The following CLK3 variants were observed in gnomAD, a reference collection of about 807,000 sequenced individuals.
CLK3 encodes the protein dual specificity protein kinase CLK3.
In CLK3, 24 loss-of-function variants were observed where a neutral mutation model predicts 65.2. The ratio of observed to expected loss-of-function variants is 0.37; its 90% confidence interval spans 0.27 to 0.52. The LOEUF (loss-of-function observed/expected upper bound fraction) is 0.52. CLK3 is among the 20% of genes least tolerant of loss of function. CLK3 has a pLI of 0.92. For missense variants in CLK3, 506 were observed against 660.0 expected (o/e 0.77, Z 2.56); for synonymous variants, 252 against 240.8 (o/e 1.05, Z -0.43).
intron 3 of CLK3, 149 bp downstream of exon 3, chr15:74,620,374 C>G (rs1013633913): frequency 9.0e-7 from 1 of 1,114,666 alleles, no homozygotes; most frequent in Non-Finnish European, 1.3e-6. Flanking sequence ...GTTGTCTGGT[C>G]CAGGTGTAGG....
At chr15:74,614,607 AC>A (rs1438821773), upstream of CLK3, among the ~76,000 whole-genome samples, 1 of 151,162 alleles carries the variant, frequency 6.6e-6, no homozygotes, top group East Asian at 1.9e-4. Flanking sequence ...ACGCCTTGAA[AC>A]CCCCCGTTTC....
At chr15:74,610,628 T>C (rs902447121) in intron 1 of CLK3, among the ~76,000 whole-genome samples, 2 of 152,236 alleles carry the variant, frequency 1.3e-5, no homozygotes, top group African/African-American at 2.4e-5. Context: ...TTGGCTGTTA[T>C]CTATCACGAC....
chr15:74,628,104 G>T, intron 10 of CLK3, 52 bp downstream of exon 10: 2 of 1,285,556 alleles, frequency 1.6e-6, no homozygotes, highest in Non-Finnish European at 2.3e-6. Context: ...ACTGTGATAG[G>T]CTGCAGGCCA....
At position 74,627,198 on chromosome 15, in the gene CLK3, C is replaced by A; in HGVS notation, c.818-154C>A. 1.4e-6 allele frequency: 1 copy of A among 736,434 alleles called. No individual in the cohort carries two copies. Among genetic ancestry groups the A allele is most frequent in the South Asian group, 1.5e-5 (1 of 68,308 alleles). The allele number at this position is 736,434 out of a possible 1,614,324, so 45.6% of individuals were successfully genotyped here. On this transcript the variant is annotated intron_variant, in intron 7 of 12. Transcript: ENST00000395066. The surrounding 1 kb of genome is among the most constrained non-coding windows in gnomAD (Gnocchi z 4.3). ...GTACAGAGAACCCTTGAGAGGGAGG[C>A]CAGCACAGAGGCAGGCTGTAGTCCA...
At chr15:74,626,347 A>G (rs779394385) in intron 7 of CLK3, among the ~76,000 whole-genome samples, 6 of 152,264 alleles carry the variant, frequency 3.9e-5, no homozygotes, top group Non-Finnish European at 8.8e-5. Context: ...CCCTCGGTCT[A>G]ACCCTGACTT....
upstream of CLK3, among the ~76,000 whole-genome samples, chr15:74,612,661 C>T (rs911079973): frequency 1.4e-4 from 22 of 152,328 alleles, no homozygotes; most frequent in African/African-American, 5.3e-4. Context: ...CAGGCCTTCT[C>T]CCCACTGGAC....
rs1235376612 is a variant in CLK3, at chr15:74,630,053, C to G, written c.*170C>G. On this transcript the variant is annotated 3_prime_UTR_variant, in exon 13 of 13. Transcript: ENST00000395066. ...GACTTGGTGCCCAGCTGCCAGAAAG[C>G]ACAGATTTGACCCAAGCTATTTATA... is the stretch of plus-strand genomic sequence containing the variant. 1.6e-6 allele frequency: 1 copy of G among 629,060 alleles called. No individual in the cohort carries two copies. Among genetic ancestry groups the G allele is most frequent in the Non-Finnish European group, 2.8e-6 (1 of 361,396 alleles). 39.0% of individuals were successfully genotyped at this position (629,060 alleles called of 1,614,324 possible).
At chr15:74,623,766 T>A (rs1050296047) in intron 5 of CLK3, 3 of 152,306 alleles carry the variant, frequency 2.0e-5, no homozygotes, top group Non-Finnish European at 4.4e-5. Context: ...AGGGAAACTT[T>A]ACGGGACTCA....
In CLK3 at chr15:74,615,850, C is replaced by T. The variant is rs768656181; in HGVS notation, c.-49C>T. 4 of 1,253,878 alleles carry T rather than the reference C, an allele frequency of 3.2e-6. No individual in the cohort carries two copies. Among genetic ancestry groups the T allele is most frequent in the African/African-American group, 1.5e-5 (1 of 65,030 alleles). 77.7% of individuals were successfully genotyped at this position (1,253,878 alleles called of 1,614,324 possible). A position where few individuals can be genotyped will look rare whatever the true frequency, so the allele number is the denominator to read the frequency against. On this transcript the variant is annotated 5_prime_UTR_variant, in exon 1 of 13. Coordinates refer to ENST00000395066, the MANE Select transcript of CLK3 (RefSeq NM_001130028.2). ...AGGTCGCAGCCGGAAGCGGAAGAGG[C>T]GCTCGGAGCGGGGAGTGGGGCCTAG... is the stretch of plus-strand genomic sequence containing the variant.
chr15:74,622,604 C>T lies in CLK3; in HGVS notation c.533+44C>T. 2 of 1,510,004 alleles carry T rather than the reference C, an allele frequency of 1.3e-6. No homozygotes were observed. The highest frequency in any genetic ancestry group is 1.8e-6 in the Non-Finnish European group (2 of 1,106,646). The allele number at this position is 1,510,004 out of a possible 1,614,324, so 93.5% of individuals were successfully genotyped here. A position where few individuals can be genotyped will look rare whatever the true frequency, so the allele number is the denominator to read the frequency against. On this transcript the variant is annotated intron_variant, in intron 5 of 12. Transcript: ENST00000395066. The surrounding 1 kb of genome is among the most constrained non-coding windows in gnomAD (Gnocchi z 4.6). ...TACAGCTGGCTCCGGATGTGATCTTCCTGGGAAGAGCTGGCCTGAGGTTCT... is the reference window on the plus strand; with the variant it reads ...TACAGCTGGCTCCGGATGTGATCTTTCTGGGAAGAGCTGGCCTGAGGTTCT...
Position 74,629,765 on chromosome 15 carries a change from T to C in CLK3, c.1355T>C (p.Met452Thr). 6.2e-7 allele frequency: 1 copy of C among 1,613,482 alleles called. No homozygotes were observed. The highest frequency in any genetic ancestry group is 1.1e-5 in the South Asian group (1 of 91,040). ...CAGCTGTTTGACCTGATGAGGAGGA[T>C]GTTAGAATTTGACCCTGCCCAGCGC... Reference protein sequence around the residue: ...HVQLFDLMRRMLEFDPAQRIT... With the variant: ...HVQLFDLMRRTLEFDPAQRIT... The change falls in exon 13 of 13, where the codon ATG (methionine) becomes ACG (threonine). Residue 452 changes from methionine to threonine, a missense_variant. By Grantham distance (81) the Met-to-Thr change is moderately conservative. Around this residue, in one of 2 missense-constraint regions of CLK3, gnomAD observed 325 missense variants for 500.5 expected, o/e 0.65. Transcript: ENST00000395066.
rs573556981 is a variant in CLK3, at chr15:74,615,887, G to T, written c.-12G>T. On this transcript the variant is annotated 5_prime_UTR_variant, in exon 1 of 13. Coordinates refer to ENST00000395066, the MANE Select transcript of CLK3 (RefSeq NM_001130028.2). ...GGAGTGGGGCCTAGCTGCAGCCGGA[G>T]CCTGGGAGACGGTAAGTGTGGGCTG... The T allele has an allele frequency of 4.0e-6, 5 of 1,254,164 alleles. No individual in the cohort carries two copies. Among genetic ancestry groups the T allele is most frequent in the Admixed American group, 4.1e-5 (1 of 24,680 alleles). 77.7% of individuals were successfully genotyped at this position (1,254,164 alleles called of 1,614,324 possible).
Position 74,627,763 on chromosome 15 carries a change from C to T in CLK3, c.1042+95C>T. On this transcript the variant is annotated intron_variant, in intron 9 of 12. Transcript: ENST00000395066. The surrounding 1 kb of genome is among the most constrained non-coding windows in gnomAD (Gnocchi z 4.3). The stretch of plus-strand genomic sequence containing the variant: ...GGCATGCCTGTCATTCTCTGCCACC[C>T]AGGGCAGGCAGAGTTTCTCAGACCA... 1 of 1,545,932 alleles carries T rather than the reference C, an allele frequency of 6.5e-7. No homozygotes were observed. The highest frequency in any genetic ancestry group is 8.9e-7 in the Non-Finnish European group (1 of 1,127,110).
chr15:74,626,852 A>C (rs1596290923), intron 7 of CLK3: 1 of 390,376 alleles, frequency 2.6e-6, no homozygotes, highest in East Asian at 7.3e-5. Flanking sequence ...TAGCAATGAG[A>C]GGCGGGGCTG....
intron 10 of CLK3, 70 bp from the exon 11 acceptor site, chr15:74,628,534 T>G (rs2062161951): frequency 8.6e-7 from 1 of 1,158,452 alleles, no homozygotes; most frequent in Non-Finnish European, 1.3e-6. Flanking sequence ...CCATCTTTCT[T>G]GTTCCTTTTT....
Position 74,624,545 on chromosome 15 carries a change from TTGGGG to T in CLK3, c.534-356_534-352del. ...TCTCGGTGGGACAGCCTGGCCAGGG[TTGGGG>T]CTGCCTGGCCTATAGGTTAGGTCAC... is the stretch of plus-strand genomic sequence containing the variant. On this transcript the variant is annotated intron_variant, in intron 5 of 12. Transcript: ENST00000395066. The surrounding 1 kb of genome is among the most constrained non-coding windows in gnomAD (Gnocchi z 4.2). The T allele has an allele frequency of 5.7e-6, 1 of 174,968 alleles. No homozygotes were observed. The highest frequency in any genetic ancestry group is 2.0e-4 in the South Asian group (1 of 5,102). The allele number at this position is 174,968 out of a possible 1,614,324, so 10.8% of individuals were successfully genotyped here.
chr15:74,627,638 C>T lies in CLK3; in HGVS notation c.1012C>T (p.Arg338Cys). 1.2e-6 allele frequency: 2 copies of T among 1,613,936 alleles called. No homozygotes were observed. Among genetic ancestry groups the T allele is most frequent in the Non-Finnish European group, 1.7e-6 (2 of 1,180,028 alleles). ...GCACCACACCACCATTGTGGCCACC[C>T]GTCACTATCGCCCGCCTGAGGTGAT... ...HEHHTTIVAT[R>C]HYRPPEVILE... is the part of the protein sequence containing the mutation. Residue 338 changes from arginine (R) to cysteine (C), a missense_variant, in exon 9 of 13, where the codon CGT becomes TGT. Physicochemically the swap from Arg to Cys is radical, Grantham distance 180. Around this residue, in one of 2 missense-constraint regions of CLK3, gnomAD observed 325 missense variants for 500.5 expected, o/e 0.65. Coordinates refer to ENST00000395066, the MANE Select transcript of CLK3 (RefSeq NM_001130028.2). This position sits in a 1 kb window ranked among gnomAD's most constrained non-coding sequence, Gnocchi z 4.3.
At position 74,622,813 on chromosome 15, in the gene CLK3, C is replaced by T. The variant is rs1191976718; in HGVS notation, c.533+253C>T. On this transcript the variant is annotated intron_variant, in intron 5 of 12. Coordinates refer to ENST00000395066, the MANE Select transcript of CLK3 (RefSeq NM_001130028.2). This position sits in a 1 kb window ranked among gnomAD's most constrained non-coding sequence, Gnocchi z 4.6. ...GGTCAGTGAAAGGTTCTGCTCCAATCTCTTCACTTCTCCAGGGCTGTGGTG... is the reference window on the plus strand; with the variant it reads ...GGTCAGTGAAAGGTTCTGCTCCAATTTCTTCACTTCTCCAGGGCTGTGGTG... Among the ~76,000 whole-genome samples, 4 of 152,154 alleles carry T rather than the reference C, an allele frequency of 2.6e-5. No individual in the cohort carries two copies. Among genetic ancestry groups the T allele is most frequent in the African/African-American group, 7.2e-5 (3 of 41,432 alleles).
chr15:74,629,931 C>T lies in CLK3; in HGVS notation c.*48C>T, dbSNP rs1010333480. 3.2e-6 allele frequency: 5 copies of T among 1,548,342 alleles called. No individual in the cohort carries two copies. Among genetic ancestry groups the T allele is most frequent in the African/African-American group, 1.4e-5 (1 of 73,446 alleles). On this transcript the variant is annotated 3_prime_UTR_variant, in exon 13 of 13. Transcript: ENST00000395066. ...GAGATGGAGGGCGGGACTGGGCCGC[C>T]CAGCCCCTTGACTCCAGCCTCGACC...
Sources: gnomAD v4.1 joint callset for allele counts (sites outside exome capture counted in the v4.1 genomes callset) on GRCh38, gnomAD v4.1.1 for gene constraint, gnomAD v4.1.1 regional missense constraint, Gnocchi (gnomAD v3.1) non-coding constraint, MANE v1.5 for transcripts, NCBI Gene and HGNC (gene_info 2026-07-23, HGNC 2026-07-21) for gene names.